NFIB: variants seen among roughly 807,000 people sequenced by gnomAD.
NFIB encodes the protein nuclear factor 1 B-type.
A neutral mutation model predicts 61.5 loss-of-function variants in NFIB; 11 were observed. The observed-to-expected ratio is 0.18, with a 90% CI of 0.11 to 0.30. The LOEUF is 0.30. NFIB is among the 10% of genes least tolerant of loss of function. The probability of loss-of-function intolerance (pLI) is 1.00; values close to 1 mark genes in which losing one functional copy is unlikely to be tolerated. For missense variants in NFIB, 471 were observed against 608.9 expected (o/e 0.77, Z 2.38); for synonymous variants, 260 against 216.5 (o/e 1.20, Z -1.76).
At chr9:14,149,248 C>T (rs1012857200) in intron 5 of NFIB, among the ~76,000 whole-genome samples, 3 of 152,084 alleles carry the variant, frequency 2.0e-5, no homozygotes, top group African/African-American at 7.2e-5. Context: ...CATACACATG[C>T]CCAGTCCATA....
At chr9:14,088,571 T>C (rs1039493445) in intron 10 of NFIB, among the ~76,000 whole-genome samples, 1 of 152,122 alleles carries the variant, frequency 6.6e-6, no homozygotes, top group Non-Finnish European at 1.5e-5. Context: ...CAGAGTAAGA[T>C]ATATAAACAA....
intron 2 of NFIB, among the ~76,000 whole-genome samples, chr9:14,232,682 T>G (rs1398062561): frequency 6.6e-6 from 1 of 152,204 alleles, no homozygotes; most frequent in Non-Finnish European, 1.5e-5. Flanking sequence ...CTTTTCACCT[T>G]GGAAACTTTC....
intron 2 of NFIB, among the ~76,000 whole-genome samples, chr9:14,192,820 C>G (rs1009789860): frequency 6.6e-6 from 1 of 152,272 alleles, no homozygotes; most frequent in East Asian, 1.9e-4. Flanking sequence ...ATTACTGTAA[C>G]TGGCCTTGCC....
intron 2 of NFIB, among the ~76,000 whole-genome samples, chr9:14,294,222 T>G (rs972575566): frequency 1.3e-5 from 2 of 152,224 alleles, no homozygotes; most frequent in Admixed American, 6.5e-5. Context: ...AGCTTTTCCC[T>G]TATTTGGAGA....
chr9:14,248,422 C>T (rs757810337), intron 2 of NFIB, among the ~76,000 whole-genome samples: 9 of 151,852 alleles, frequency 5.9e-5, no homozygotes, highest in Non-Finnish European at 1.2e-4. Flanking sequence ...AGGCATACAC[C>T]ACCATGTCGG....
chr9:14,282,992 A>G (rs1040644141), intron 2 of NFIB, among the ~76,000 whole-genome samples: 4 of 152,226 alleles, frequency 2.6e-5, no homozygotes, highest in Admixed American at 6.5e-5. Flanking sequence ...TCCCAGGCAC[A>G]TAGTAAGTGC....
At chr9:14,236,787 G>GA (rs2053788824) in intron 2 of NFIB, among the ~76,000 whole-genome samples, 1 of 151,844 alleles carries the variant, frequency 6.6e-6, no homozygotes. Flanking sequence ...TTTTGGAAGA[G>GA]AAAGTAAACA....
chr9:14,241,153 T>G (rs1563935782), intron 2 of NFIB, among the ~76,000 whole-genome samples: 3 of 152,334 alleles, frequency 2.0e-5, no homozygotes, highest in Admixed American at 2.0e-4. Context: ...TTACCTGCCA[T>G]TTAACCATTT....
At chr9:14,305,644 A>G (rs1208877049) in intron 2 of NFIB, 1 of 168,834 alleles carries the variant, frequency 5.9e-6, no homozygotes, top group Non-Finnish European at 1.3e-5. Flanking sequence ...TTAAAATCAG[A>G]CTAAAAATTC....
chr9:14,110,371 G>A (rs949766916), intron 10 of NFIB, among the ~76,000 whole-genome samples: 3 of 152,020 alleles, frequency 2.0e-5, no homozygotes, highest in Non-Finnish European at 2.9e-5. Flanking sequence ...ACCTGGTGAC[G>A]ATATTTATTC....
chr9:14,245,259 C>T (rs1458417644), intron 2 of NFIB, among the ~76,000 whole-genome samples: 1 of 152,174 alleles, frequency 6.6e-6, no homozygotes. Context: ...ACATCACAGT[C>T]ACACCCAACT....
chr9:14,418,063 G>A, the NFIB span, among the ~76,000 whole-genome samples: 1 of 152,104 alleles, frequency 6.6e-6, no homozygotes, highest in Non-Finnish European at 1.5e-5. Context: ...ACAGCGCGGT[G>A]AGCCACCGCG....
chr9:14,242,774 A>T (rs1409843086), intron 2 of NFIB, among the ~76,000 whole-genome samples: 2 of 152,232 alleles, frequency 1.3e-5, no homozygotes, highest in Non-Finnish European at 2.9e-5. Context: ...CTCCATAGGA[A>T]TGCTTTAAAG....
chr9:14,392,642 C>A (rs2061638296), intron 1 of NFIB, among the ~76,000 whole-genome samples: 1 of 151,974 alleles, frequency 6.6e-6, no homozygotes, highest in Non-Finnish European at 1.5e-5. Flanking sequence ...ATCTATTGAA[C>A]CCAGGGGGCA....
the NFIB span, among the ~76,000 whole-genome samples, chr9:14,445,516 G>A: frequency 6.6e-6 from 1 of 152,168 alleles, no homozygotes; most frequent in African/African-American, 2.4e-5. Context: ...TTAGAATTTA[G>A]ATCATAAAAT....
chr9:14,471,900 A>T, the NFIB span, among the ~76,000 whole-genome samples: 5 of 152,202 alleles, frequency 3.3e-5, no homozygotes, highest in African/African-American at 1.2e-4. Flanking sequence ...CACCTGTGTT[A>T]GGCAGGCATA....
At chr9:14,410,163 TTC>T in the NFIB span, among the ~76,000 whole-genome samples, 106 of 152,050 alleles carry the variant, frequency 7.0e-4, no homozygotes, top group African/African-American at 2.2e-3. Flanking sequence ...AATCCTACCC[TTC>T]TCTGAGTTTC....
At chr9:14,240,318 T>C (rs2054224568) in intron 2 of NFIB, among the ~76,000 whole-genome samples, 1 of 152,112 alleles carries the variant, frequency 6.6e-6, no homozygotes, top group Non-Finnish European at 1.5e-5. Flanking sequence ...TATCCTGCCA[T>C]ATATCTTTAT....
At chr9:14,259,966 T>C (rs1352368126) in intron 2 of NFIB, among the ~76,000 whole-genome samples, 1 of 152,162 alleles carries the variant, frequency 6.6e-6, no homozygotes, top group Non-Finnish European at 1.5e-5. Flanking sequence ...TTTAGTTGAC[T>C]GGGGCTTAAT....
Sources: allele counts gnomAD v4.1 joint callset (sites outside exome capture counted in the v4.1 genomes callset), GRCh38; gene constraint gnomAD v4.1.1; transcripts MANE v1.5; gene names NCBI Gene and HGNC (gene_info 2026-07-23, HGNC 2026-07-21).